The following DIAPH2 variants were observed in gnomAD, a reference collection of about 807,000 sequenced individuals.
DIAPH2 encodes diaphanous related formin 2, also known as protein diaphanous homolog 2.
DIAPH2 carries 35 observed loss-of-function variants against 92.7 expected under a neutral mutation model. The observed-to-expected ratio is 0.38, with a 90% confidence interval of 0.29 to 0.50. The LOEUF is 0.50. DIAPH2 is among the 20% of genes least tolerant of loss of function. The pLI is 0.94. For synonymous variants in DIAPH2, 301 were observed against 280.4 expected (o/e 1.07, Z -0.73); for missense variants, 701 against 819.5 (o/e 0.86, Z 1.77).
At chrX:97,359,358 T>C (rs1250292996) in intron 24 of DIAPH2, among the ~76,000 whole-genome samples, 1 of 110,609 alleles carries the variant, frequency 9.0e-6, no homozygotes, top group Non-Finnish European at 1.9e-5. Context: ...AATAATATAA[T>C]GATTTGTAAT....
At chrX:96,693,240 C>T (rs1043054848) in intron 1 of DIAPH2, among the ~76,000 whole-genome samples, 1 of 112,342 alleles carries the variant, frequency 8.9e-6, no homozygotes, top group African/African-American at 3.2e-5. Context: ...TCTGTCTCCA[C>T]TCTGCAACTT....
At chrX:97,018,422 A>G (rs1230064161) in intron 17 of DIAPH2, among the ~76,000 whole-genome samples, 1 of 112,461 alleles carries the variant, frequency 8.9e-6, no homozygotes, top group East Asian at 2.8e-4. Flanking sequence ...TATGAGAAGT[A>G]CTGCATTTGC....
At chrX:97,565,596 T>C (rs768302765) in intron 26 of DIAPH2, among the ~76,000 whole-genome samples, 3 of 112,533 alleles carry the variant, frequency 2.7e-5, no homozygotes, top group African/African-American at 9.7e-5. Flanking sequence ...TACAGATATA[T>C]TCAAATTGTA....
intron 26 of DIAPH2, among the ~76,000 whole-genome samples, chrX:97,597,535 A>G (rs772305910): frequency 9.0e-6 from 1 of 111,364 alleles, no homozygotes; most frequent in South Asian, 3.9e-4. Context: ...AGTGTGTAGG[A>G]CCACCAAGGC....
At chrX:97,094,277 G>A (rs1602337677) in intron 19 of DIAPH2, among the ~76,000 whole-genome samples, 2 of 111,684 alleles carry the variant, frequency 1.8e-5, no homozygotes, top group East Asian at 2.8e-4. Context: ...AAGTCAATGC[G>A]CCTTCTAGGG....
intron 4 of DIAPH2, among the ~76,000 whole-genome samples, chrX:96,852,037 T>G: frequency 8.9e-6 from 1 of 112,286 alleles, no homozygotes; most frequent in Non-Finnish European, 1.9e-5. Flanking sequence ...GTTCAAAATG[T>G]ATATTACCTC....
chrX:97,079,487 CA>C (rs1245934416), intron 19 of DIAPH2, among the ~76,000 whole-genome samples: 19 of 111,223 alleles, frequency 1.7e-4, no homozygotes, highest in South Asian at 3.8e-4. Flanking sequence ...AGCCCTGACA[CA>C]AACAGGCAAA....
intron 23 of DIAPH2, among the ~76,000 whole-genome samples, chrX:97,253,293 A>AAAATAAAAT (rs1556010461): frequency 0.011 from 1,011 of 91,753 alleles, 17 homozygotes; most frequent in African/African-American, 0.039. Context: ...CTCCGTAAAA[A>AAAATAAAAT]AAAATAAAAT....
intron 1 of DIAPH2, among the ~76,000 whole-genome samples, chrX:96,729,257 G>C (rs1268715670): frequency 8.9e-6 from 1 of 111,956 alleles, no homozygotes; most frequent in Non-Finnish European, 1.9e-5. Flanking sequence ...GCTTGAAGAG[G>C]CCCAAGATAT....
chrX:97,206,137 C>A (rs1368290260), intron 22 of DIAPH2, among the ~76,000 whole-genome samples: 1 of 110,596 alleles, frequency 9.0e-6, no homozygotes, highest in Non-Finnish European at 1.9e-5. Context: ...GGGACCAACA[C>A]ACACTAGGAC....
At chrX:97,205,284 A>G (rs2067787109) in intron 22 of DIAPH2, among the ~76,000 whole-genome samples, 1 of 112,259 alleles carries the variant, frequency 8.9e-6, no homozygotes, top group South Asian at 3.7e-4. Flanking sequence ...TCCTGACTAA[A>G]CTGCCAAAAG....
intron 17 of DIAPH2, among the ~76,000 whole-genome samples, chrX:97,016,238 A>G (rs1005581499): frequency 8.9e-6 from 1 of 112,074 alleles, no homozygotes; most frequent in Non-Finnish European, 1.9e-5. Context: ...TTTGTGAAAA[A>G]TAGATGTTGG....
chrX:97,163,201 G>A (rs1373765806), intron 22 of DIAPH2, among the ~76,000 whole-genome samples: 4 of 109,115 alleles, frequency 3.7e-5, no homozygotes, highest in South Asian at 4.1e-4. Flanking sequence ...ACAGGGTCTC[G>A]CTCTGCCACC....
intron 3 of DIAPH2, among the ~76,000 whole-genome samples, chrX:96,739,759 G>A (rs1381040871): frequency 8.9e-6 from 1 of 111,766 alleles, no homozygotes; most frequent in African/African-American, 3.3e-5. Context: ...CCCCTGAAAC[G>A]AGTCCTGACA....
At chrX:96,839,079 G>A (rs904149695) in intron 4 of DIAPH2, among the ~76,000 whole-genome samples, 1 of 111,338 alleles carries the variant, frequency 9.0e-6, no homozygotes, top group Admixed American at 9.6e-5. Flanking sequence ...TATAGTGTCA[G>A]ATTTTACAGG....
chrX:97,126,067 T>G (rs1280718478), intron 21 of DIAPH2, among the ~76,000 whole-genome samples: 2 of 111,892 alleles, frequency 1.8e-5, no homozygotes, highest in Non-Finnish European at 3.8e-5. Context: ...CTATAGTCGT[T>G]TTCTGAGTAT....
Position 97,185,391 on chromosome X carries a change from A to ATG in DIAPH2, c.2719+43601_2719+43602dup, listed in dbSNP as rs1158026046. Among the ~76,000 whole-genome samples, 240 of 27,342 alleles carry ATG rather than the reference A, an allele frequency of 8.8e-3. 39 individuals are homozygous for ATG. Among genetic ancestry groups the ATG allele is most frequent in the South Asian group, 0.02 (10 of 501 alleles). 23.7% of individuals were successfully genotyped at this position (27,342 alleles called of 115,157 possible). On this transcript the variant is annotated intron_variant, in intron 22 of 26. Coordinates refer to ENST00000324765, the MANE Select transcript of DIAPH2 (RefSeq NM_006729.5). Reference sequence around the variant, plus strand: ...TATGTATATATATATGTATATATATATGTGTATATATATATATATGTATAT... The same window carrying ATG: ...TATGTATATATATATGTATATATATATGTGTGTATATATATATATATGTATAT...
In DIAPH2 at chrX:96,962,352, CACAT is replaced by C. The variant is rs1350182319; in HGVS notation, c.1936-2739_1936-2736del. 5.6e-3 allele frequency among the ~76,000 whole-genome samples: 249 copies of C among 44,072 alleles called. 20 individuals are homozygous for C. Among genetic ancestry groups the C allele is most frequent in the South Asian group, 0.016 (15 of 914 alleles). The allele number at this position is 44,072 out of a possible 115,157, so 38.3% of individuals were successfully genotyped here. A position where few individuals can be genotyped will look rare whatever the true frequency, so the allele number is the denominator to read the frequency against. On this transcript the variant is annotated intron_variant, in intron 16 of 26. Transcript: ENST00000324765. ...ATATATATATACATATATATATATA[CACAT>C]ATATATATACACATATATATATACA...
chrX:97,400,992 C>A (rs372660082), intron 25 of DIAPH2, among the ~76,000 whole-genome samples: 1 of 108,874 alleles, frequency 9.2e-6, no homozygotes, highest in Non-Finnish European at 1.9e-5. Flanking sequence ...TCAGCCTCCC[C>A]ACTAGCTAGG....
Sources: allele counts gnomAD v4.1 joint callset (sites outside exome capture counted in the v4.1 genomes callset), GRCh38; gene constraint gnomAD v4.1.1; transcripts MANE v1.5; gene names NCBI Gene and HGNC (gene_info 2026-07-23, HGNC 2026-07-21).